Variants in INTS6 observed in about 807,000 individuals in gnomAD.
The protein encoded by INTS6 is DEAD box protein.
A neutral mutation model predicts 104.9 loss-of-function variants in INTS6; 16 were observed. The observed-to-expected ratio is 0.15, with a 90% CI of 0.10 to 0.23. The LOEUF (loss-of-function observed/expected upper bound fraction) is 0.23. Ranked by LOEUF, INTS6 falls within the 10% of genes least tolerant of loss-of-function variation. The probability of loss-of-function intolerance (pLI) is 1.00; values close to 1 mark genes in which losing one functional copy is unlikely to be tolerated. For synonymous variants in INTS6, 324 were observed against 358.7 expected (o/e 0.90, Z 1.09); for missense variants, 584 against 1,062.8 (o/e 0.55, Z 6.26).
At chr13:51,423,591 A>T (rs577672223) in intron 4 of INTS6, among the ~76,000 whole-genome samples, 1 of 152,218 alleles carries the variant, frequency 6.6e-6, no homozygotes, top group Admixed American at 6.5e-5. Context: ...GTCAGCACAG[A>T]AGTTAATTTT....
chr13:51,448,545 T>C (rs772377893), intron 3 of INTS6: 1 of 152,190 alleles, frequency 6.6e-6, no homozygotes, highest in Non-Finnish European at 1.5e-5. Context: ...AATTCAAAGA[T>C]GTTTTATCTG....
intron 4 of INTS6, among the ~76,000 whole-genome samples, chr13:51,399,425 C>T (rs924257701): frequency 1.3e-5 from 2 of 152,036 alleles, no homozygotes; most frequent in African/African-American, 2.4e-5. Flanking sequence ...CCTCAAACTC[C>T]GTAATTATCC....
chr13:51,408,216 T>C (rs1956614615), intron 4 of INTS6, among the ~76,000 whole-genome samples: 1 of 150,336 alleles, frequency 6.7e-6, no homozygotes, highest in African/African-American at 2.4e-5. Flanking sequence ...CAATCTCGAC[T>C]CACTGCAACC....
intron 13 of INTS6, 39 bp downstream of exon 13, chr13:51,376,009 A>T: frequency 1.3e-6 from 2 of 1,547,462 alleles, no homozygotes; most frequent in African/African-American, 2.8e-5. Flanking sequence ...CTATAAAGAA[A>T]AAAAATTAAA....
At chr13:51,346,626 C>T in the INTS6 span, among the ~76,000 whole-genome samples, 4 of 152,232 alleles carry the variant, frequency 2.6e-5, no homozygotes, top group African/African-American at 9.6e-5. Flanking sequence ...TGAGTTCTCA[C>T]TTTCCATTTC....
Position 51,369,304 on chromosome 13 carries a change from T to C in INTS6, c.2111A>G (p.Glu704Gly). Residue 704 changes from glutamate (E) to glycine (G), a missense_variant, in exon 16 of 18, where the codon GAA becomes GGA. Physicochemically the swap from Glu to Gly is moderately conservative, Grantham distance 98. Transcript: ENST00000311234. ...ATGTATTATCGAATCATTAGTGGTT[T>C]CTGAAACTAAAAACAAAGATACGGG... ...IKPLPLHKISETTNDSIIHDV... is the reference protein window; with the variant it reads ...IKPLPLHKISGTTNDSIIHDV... 1 of 1,596,952 alleles carries C rather than the reference T, an allele frequency of 6.3e-7. No homozygotes were observed. The highest frequency in any genetic ancestry group is 2.2e-5 in the East Asian group (1 of 44,512).
chr13:51,343,299 G>A, the INTS6 span, among the ~76,000 whole-genome samples: 3 of 152,278 alleles, frequency 2.0e-5, no homozygotes, highest in South Asian at 6.2e-4. Context: ...CTAAGCAAGG[G>A]GGCTTCACTT....
At position 51,362,260 on chromosome 13, in the gene INTS6, G is replaced by T; in HGVS notation, c.*3492C>A. The stretch of plus-strand genomic sequence containing the variant: ...CCCCTAGCTTTCTTATCATTTTAGA[G>T]TTTTTTCAGGTCACTAGAGTACACC... On this transcript the variant is annotated 3_prime_UTR_variant, in exon 18 of 18. Transcript: ENST00000311234. The T allele has an allele frequency of 2.7e-6, 1 of 370,508 alleles. No homozygotes were observed. The highest frequency in any genetic ancestry group is 4.7e-6 in the Non-Finnish European group (1 of 211,746). The allele number at this position is 370,508 out of a possible 1,614,324, so 23.0% of individuals were successfully genotyped here.
chr13:51,342,256 G>A, the INTS6 span, among the ~76,000 whole-genome samples: 1 of 151,206 alleles, frequency 6.6e-6, no homozygotes, highest in Admixed American at 6.6e-5. Flanking sequence ...AGCTGTCCTA[G>A]GCAGGGTCAT....
the INTS6 span, chr13:51,340,818 G>A: frequency 1.5e-4 from 82 of 532,402 alleles, 1 homozygote; most frequent in Non-Finnish European, 2.2e-4. Context: ...GTAAGTGGCC[G>A]AAGCAGATCT....
chr13:51,451,194 A>T lies in INTS6; in HGVS notation c.190-20T>A. 7.6e-7 allele frequency: 1 copy of T among 1,311,486 alleles called. No individual in the cohort carries two copies. The highest frequency in any genetic ancestry group is 1.0e-6 in the Non-Finnish European group (1 of 977,150). 81.2% of individuals were successfully genotyped at this position (1,311,486 alleles called of 1,614,324 possible). ...TCCAGCCTGAAAAGAAAAATGTAAG[A>T]TTTTTTTTTTTCATTTTTTAAAGCC... On this transcript the variant is annotated intron_variant, in intron 2 of 17. Coordinates refer to ENST00000311234, the MANE Select transcript of INTS6 (RefSeq NM_012141.3).
At chr13:51,388,880 G>T (rs1956193950) in intron 6 of INTS6, among the ~76,000 whole-genome samples, 2 of 120,174 alleles carry the variant, frequency 1.7e-5, no homozygotes, top group Non-Finnish European at 3.3e-5. Flanking sequence ...GCAAAGCCTG[G>T]TTCCTCATTT....
chr13:51,438,286 T>C (rs1412636857), intron 3 of INTS6: 1 of 152,090 alleles, frequency 6.6e-6, no homozygotes, highest in African/African-American at 2.4e-5. Flanking sequence ...TTTAAAATTT[T>C]CAAAGTAGAT....
In INTS6 at chr13:51,429,779, AAAAAAAAT is replaced by A. The variant is rs1486173231; in HGVS notation, c.429+507_429+514del. Reference sequence around the variant, plus strand: ...ACTCTGTCTCAAAAAAAAAAAAAAAAAAAAAAATATATATATATATATATATATATGTA... The same window carrying A: ...ACTCTGTCTCAAAAAAAAAAAAAAAAATATATATATATATATATATATGTA... On this transcript the variant is annotated intron_variant, in intron 4 of 17. Transcript: ENST00000311234. Among the ~76,000 whole-genome samples, 925 of 129,210 alleles carry A rather than the reference AAAAAAAAT, an allele frequency of 7.2e-3. 7 individuals carry two copies. The highest frequency in any genetic ancestry group is 0.019 in the African/African-American group (619 of 32,550). 84.8% of individuals were successfully genotyped at this position (129,210 alleles called of 152,430 possible). A position where few individuals can be genotyped will look rare whatever the true frequency, so the allele number is the denominator to read the frequency against.
intron 4 of INTS6, among the ~76,000 whole-genome samples, chr13:51,404,103 C>CACACACAGAGAG (rs1491389220): frequency 1.5e-3 from 156 of 103,958 alleles, no homozygotes; most frequent in African/African-American, 6.0e-3. Context: ...CACACACACA[C>CACACACAGAGAG]AGAGAGAGAG....
intron 4 of INTS6, among the ~76,000 whole-genome samples, chr13:51,397,682 T>C (rs987838634): frequency 6.6e-6 from 1 of 152,338 alleles, no homozygotes; most frequent in African/African-American, 2.4e-5. Context: ...ATTTTCTCTC[T>C]AATATCACAA....
chr13:51,429,785 A>AAAAATATATAT (rs1156333077), intron 4 of INTS6, among the ~76,000 whole-genome samples: 1 of 92,374 alleles, frequency 1.1e-5, no homozygotes, highest in African/African-American at 4.6e-5. Flanking sequence ...AAAAAAAAAA[A>AAAAATATATAT]ATATATATAT....
chr13:51,389,208 T>G, intron 6 of INTS6, 111 bp downstream of exon 6: 1 of 1,072,782 alleles, frequency 9.3e-7, no homozygotes, highest in South Asian at 1.7e-5. Flanking sequence ...CCTTTCTGTC[T>G]TAATAATTTG....
At chr13:51,448,776 T>C (rs925002401) in intron 3 of INTS6, 2 of 152,220 alleles carry the variant, frequency 1.3e-5, no homozygotes, top group African/African-American at 4.8e-5. Context: ...TAATCTTTTC[T>C]CATTTCCTTC....
Sources: allele counts gnomAD v4.1 joint callset (sites outside exome capture counted in the v4.1 genomes callset), GRCh38; gene constraint gnomAD v4.1.1; transcripts MANE v1.5; gene names NCBI Gene and HGNC (gene_info 2026-07-23, HGNC 2026-07-21).